The following SYN3 variants were observed in gnomAD, a reference collection of about 807,000 sequenced individuals.
SYN3 encodes synapsin III.
Under a neutral mutation model 65.8 loss-of-function variants are expected in SYN3, and 35 were observed. The ratio of observed to expected loss-of-function variants is 0.53; its 90% CI spans 0.41 to 0.70. SYN3 has a LOEUF of 0.70. Among genes scored for constraint, SYN3 ranks in the 30% least tolerant of loss-of-function variants. The pLI, the probability that SYN3 is intolerant of heterozygous loss-of-function variation, is 0.00. For synonymous variants in SYN3, 270 were observed against 292.9 expected (o/e 0.92, Z 0.80); for missense variants, 680 against 749.0 (o/e 0.91, Z 1.08).
intron 1 of SYN3, among the ~76,000 whole-genome samples, chr22:33,032,802 C>A (rs2053778248): frequency 6.6e-6 from 1 of 152,158 alleles, no homozygotes; most frequent in Non-Finnish European, 1.5e-5. Context: ...GATTTGTAAG[C>A]ACCCCAACAC....
intron 3 of SYN3, among the ~76,000 whole-genome samples, chr22:32,977,231 T>C (rs5998681): frequency 0.31 from 47,168 of 152,108 alleles, 7,986 homozygotes; most frequent in African/African-American, 0.45. Flanking sequence ...ATAGACTGGC[T>C]GACGGGCCCC....
intron 1 of SYN3, among the ~76,000 whole-genome samples, chr22:33,040,944 C>T (rs2053953424): frequency 6.6e-6 from 1 of 152,016 alleles, no homozygotes; most frequent in African/African-American, 2.4e-5. Context: ...GAGACAGAGT[C>T]TTGCTCTGTT....
At chr22:32,655,869 A>G (rs982434384) in intron 6 of SYN3, among the ~76,000 whole-genome samples, 3 of 152,200 alleles carry the variant, frequency 2.0e-5, no homozygotes, top group Non-Finnish European at 4.4e-5. Context: ...ATCCCTGGTC[A>G]GTGGAAAAAT....
chr22:32,549,695 T>C (rs1359055538), intron 7 of SYN3, among the ~76,000 whole-genome samples: 3 of 152,130 alleles, frequency 2.0e-5, no homozygotes, highest in Non-Finnish European at 4.4e-5. Context: ...GGGCAGGAGT[T>C]TGAGACCAGC....
chr22:33,052,067 C>T (rs1376803400), intron 1 of SYN3, among the ~76,000 whole-genome samples: 2 of 152,194 alleles, frequency 1.3e-5, no homozygotes, highest in East Asian at 3.9e-4. Flanking sequence ...GGCAAACAGA[C>T]CCAGAGAGGG....
intron 3 of SYN3, among the ~76,000 whole-genome samples, chr22:32,954,947 T>C (rs904685959): frequency 2.8e-5 from 4 of 142,210 alleles, no homozygotes; most frequent in East Asian, 3.9e-4. Flanking sequence ...CTTTTCTTTT[T>C]TTTTTTTCTT....
chr22:32,689,190 A>T (rs1227149592), intron 6 of SYN3, among the ~76,000 whole-genome samples: 1 of 152,188 alleles, frequency 6.6e-6, no homozygotes, highest in African/African-American at 2.4e-5. Context: ...GCAGCTGAAA[A>T]GTCTAGTCTA....
chr22:33,050,778 C>T (rs778361994), intron 1 of SYN3, among the ~76,000 whole-genome samples: 12 of 152,200 alleles, frequency 7.9e-5, no homozygotes, highest in Non-Finnish European at 1.8e-4. Flanking sequence ...AAATACCAGC[C>T]CTGCCACTGA....
intron 6 of SYN3, among the ~76,000 whole-genome samples, chr22:32,641,847 G>A (rs1469415212): frequency 5.3e-5 from 8 of 152,032 alleles, no homozygotes; most frequent in Non-Finnish European, 7.4e-5. Context: ...TTAAGAAAAC[G>A]AAAAAGTGCT....
intron 7 of SYN3, among the ~76,000 whole-genome samples, chr22:32,548,766 C>G (rs114170340): frequency 6.6e-6 from 1 of 152,098 alleles, no homozygotes; most frequent in Admixed American, 6.5e-5. Flanking sequence ...AATTAAAAGC[C>G]GGATGATAGT....
rs565885521 is a variant in SYN3 at position 32,592,425 on chromosome 22, C to A, written c.774+4249G>T. Among the ~76,000 whole-genome samples the A allele has an allele frequency of 3.3e-5, 5 of 152,374 alleles. No individual in the cohort carries two copies. In the South Asian group the frequency reaches 1.0e-3, roughly 32 times the overall value. ...ATACGGACCACTGTCTAAGCACTCC[C>A]AAAATGGCACAGAGTTTCACCATAT... On this transcript the variant is annotated intron_variant, in intron 7 of 13. Coordinates refer to ENST00000358763, the MANE Select transcript of SYN3 (RefSeq NM_003490.4).
chr22:32,680,025 C>A (rs2060502851), intron 6 of SYN3, among the ~76,000 whole-genome samples: 1 of 151,954 alleles, frequency 6.6e-6, no homozygotes, highest in Non-Finnish European at 1.5e-5. Flanking sequence ...GAGGGCAGAG[C>A]CTAGTCTGCT....
intron 6 of SYN3, chr22:32,858,149 G>T (rs200471475): frequency 6.2e-7 from 1 of 1,612,248 alleles, no homozygotes; most frequent in African/African-American, 1.3e-5. Context: ...GTAAGCTCTG[G>T]GGTCACTGGG....
intron 6 of SYN3, among the ~76,000 whole-genome samples, chr22:32,689,599 A>G (rs1490364656): frequency 6.6e-6 from 1 of 152,188 alleles, no homozygotes; most frequent in Non-Finnish European, 1.5e-5. Flanking sequence ...AAATGACAAA[A>G]GTTACAGCAG....
At chr22:32,731,952 A>T (rs1382863242) in intron 6 of SYN3, among the ~76,000 whole-genome samples, 1 of 152,198 alleles carries the variant, frequency 6.6e-6, no homozygotes, top group Non-Finnish European at 1.5e-5. Context: ...TAAAATAGGG[A>T]TCAATTATAA....
intron 1 of SYN3, among the ~76,000 whole-genome samples, chr22:33,047,440 C>T (rs1010737505): frequency 1.3e-5 from 2 of 152,210 alleles, no homozygotes; most frequent in African/African-American, 4.8e-5. Context: ...AAATCACCTG[C>T]CTACGTGGCC....
At position 32,611,284 on chromosome 22, in the gene SYN3, G is replaced by GTT. The variant is rs1201383074; in HGVS notation, c.712-14550_712-14549dup. ...GGGCTTCAGCTAGAGTTTTTTTTTT[G>GTT]TTTTTTTTTTTTTTTTTTTTTGTGG... On this transcript the variant is annotated intron_variant, in intron 6 of 13. Transcript: ENST00000358763. Among the ~76,000 whole-genome samples the GTT allele has an allele frequency of 5.8e-3, 549 of 94,520 alleles. 5 individuals carry two copies. Among genetic ancestry groups the GTT allele is most frequent in the Middle Eastern group, 0.016 (2 of 126 alleles). The allele number at this position is 94,520 out of a possible 152,430, so 62.0% of individuals were successfully genotyped here.
At chr22:32,596,625 G>A (rs764320473) in intron 7 of SYN3, 49 bp downstream of exon 7, 1 of 1,593,160 alleles carries the variant, frequency 6.3e-7, no homozygotes, top group Admixed American at 1.7e-5. Context: ...AGGTAGTCTG[G>A]GGAATCTCTG....
At chr22:32,585,963 T>C (rs1569065053) in intron 7 of SYN3, among the ~76,000 whole-genome samples, 1 of 78,994 alleles carries the variant, frequency 1.3e-5, no homozygotes, top group Non-Finnish European at 2.9e-5. Flanking sequence ...TATGTGTATA[T>C]ACGTATATAT....
Sources: gnomAD v4.1 joint callset for allele counts (sites outside exome capture counted in the v4.1 genomes callset) on GRCh38, gnomAD v4.1.1 for gene constraint, MANE v1.5 for transcripts, NCBI Gene and HGNC (gene_info 2026-07-23, HGNC 2026-07-21) for gene names.